CWC25: variants seen among roughly 807,000 people sequenced by gnomAD.
CWC25 encodes pre-mRNA-splicing factor CWC25 homolog.
In CWC25, 31 loss-of-function variants were observed where a neutral mutation model predicts 54.6. The observed-to-expected ratio is 0.57, with a 90% CI of 0.43 to 0.77. The LOEUF (loss-of-function observed/expected upper bound fraction) is 0.77. CWC25 is among the 30% of genes least tolerant of loss of function. The pLI is 0.00. For missense variants in CWC25, 453 were observed against 529.3 expected, an observed-to-expected ratio of 0.86 and a Z score of 1.41; for synonymous variants, 151 against 187.0, an observed-to-expected ratio of 0.81 and a Z score of 1.57.
intron 3 of CWC25, 55 bp from the exon 4 acceptor site, chr17:38,812,919 G>A (rs1555548263): frequency 1.0e-6 from 1 of 1,001,112 alleles, no homozygotes; most frequent in Non-Finnish European, 1.5e-6. Context: ...AAATTCTATG[G>A]AGTAACCTTT....
intron 1 of CWC25, among the ~76,000 whole-genome samples, chr17:38,822,850 A>ATTTTTT (rs36069874): frequency 7.2e-6 from 1 of 139,514 alleles, no homozygotes. Context: ...CGCCTGGCCA[A>ATTTTTT]TTTTTTTTTT....
chr17:38,823,079 C>T (rs1226810597), intron 1 of CWC25, among the ~76,000 whole-genome samples: 1 of 151,798 alleles, frequency 6.6e-6, no homozygotes, highest in East Asian at 1.9e-4. Context: ...ACCTCATGAT[C>T]TGCCCGCCTT....
chr17:38,805,699 C>T (rs1041294915), intron 8 of CWC25, among the ~76,000 whole-genome samples: 3 of 152,140 alleles, frequency 2.0e-5, no homozygotes, highest in East Asian at 1.9e-4. Flanking sequence ...GTGGCTTGAT[C>T]GTAGCTCACT....
At chr17:38,823,647 T>G (rs574636557) in intron 1 of CWC25, among the ~76,000 whole-genome samples, 1 of 152,126 alleles carries the variant, frequency 6.6e-6, no homozygotes, top group Non-Finnish European at 1.5e-5. Context: ...GTCATTCAGT[T>G]GGTTGGTTGT....
At chr17:38,802,573 T>C (rs1911069331) in intron 9 of CWC25, 127 bp downstream of exon 9, 5 of 976,436 alleles carry the variant, frequency 5.1e-6, no homozygotes, top group South Asian at 3.3e-5. Context: ...GGAAGAGTAG[T>C]AGCCAAGGTG....
At position 38,812,776 on chromosome 17, in the gene CWC25, T is replaced by C. The variant is rs757484722; in HGVS notation, c.498+19A>G. 7.3e-7 allele frequency: 1 copy of C among 1,368,002 alleles called. No individual in the cohort carries two copies. The highest frequency in any genetic ancestry group is 1.0e-6 in the Non-Finnish European group (1 of 980,322). The allele number at this position is 1,368,002 out of a possible 1,614,324, so 84.7% of individuals were successfully genotyped here. ...ATGGCTAAAAGATGCTCTTGGTGCT[T>C]ATCTGGTATACTACTTACCAATTCT... On this transcript the variant is annotated intron_variant, in intron 4 of 9. Coordinates refer to ENST00000614790, the MANE Select transcript of CWC25 (RefSeq NM_017748.5).
At chr17:38,809,628 C>T (rs1911403898) in intron 6 of CWC25, 74 bp downstream of exon 6, 1 of 1,441,704 alleles carries the variant, frequency 6.9e-7, no homozygotes, top group African/African-American at 1.4e-5. Flanking sequence ...GCCCACCTCC[C>T]TGCTATCCAC....
At chr17:38,805,529 G>C (rs938559344) in intron 8 of CWC25, among the ~76,000 whole-genome samples, 2 of 152,102 alleles carry the variant, frequency 1.3e-5, no homozygotes, top group East Asian at 3.8e-4. Context: ...GCTCAGACTG[G>C]TCTGGAACTC....
At chr17:38,809,790 C>T (rs757026918) in intron 5 of CWC25, 25 bp from the exon 6 acceptor site, 14 of 1,605,034 alleles carry the variant, frequency 8.7e-6, no homozygotes, top group Non-Finnish European at 1.2e-5. Context: ...TACACACACT[C>T]ATTGAAAAAG....
intron 3 of CWC25, among the ~76,000 whole-genome samples, 159 bp downstream of exon 3, chr17:38,814,702 C>T (rs112865261): frequency 2.6e-4 from 37 of 143,518 alleles, no homozygotes; most frequent in South Asian, 1.1e-3. Context: ...GCAGAGATCG[C>T]GCCACTGCAC....
chr17:38,813,684 T>C (rs1048326338), intron 3 of CWC25, among the ~76,000 whole-genome samples: 1 of 151,792 alleles, frequency 6.6e-6, no homozygotes, highest in African/African-American at 2.4e-5. Flanking sequence ...GCTGGGACTA[T>C]AGGCCCCCAC....
chr17:38,806,157 G>A lies in CWC25; in HGVS notation c.1001+140C>T, dbSNP rs922601687. 1.6e-4 allele frequency: 117 copies of A among 730,210 alleles called. 1 individual carries two copies. Among genetic ancestry groups the A allele is most frequent in the Admixed American group, 4.2e-4 (18 of 43,320 alleles). The allele number at this position is 730,210 out of a possible 1,614,324, so 45.2% of individuals were successfully genotyped here. ...CCTCACATGGCTGGAGGCAGGGGAC[G>A]CAGACCCTTACAGGTTGGCAAGATA... On this transcript the variant is annotated intron_variant, in intron 8 of 9. Transcript: ENST00000614790.
chr17:38,804,700 C>T (rs986705492), intron 8 of CWC25, among the ~76,000 whole-genome samples: 11 of 146,908 alleles, frequency 7.5e-5, no homozygotes, highest in Non-Finnish European at 1.5e-4. Flanking sequence ...CCCAGCTACT[C>T]GGGAGGCTGA....
At chr17:38,823,148 TTTTTTTTTAAC>T in intron 1 of CWC25, among the ~76,000 whole-genome samples, 1 of 146,642 alleles carries the variant, frequency 6.8e-6, no homozygotes, top group Non-Finnish European at 1.5e-5. Flanking sequence ...TGACTCCAAC[TTTTTTTTTAAC>T]TTTTTTTTTT....
chr17:38,824,145 G>A (rs1021145829), intron 1 of CWC25, among the ~76,000 whole-genome samples: 6 of 152,166 alleles, frequency 3.9e-5, no homozygotes, highest in Admixed American at 3.3e-4. Flanking sequence ...CTACTTGCTG[G>A]TTCAATTAGC....
At chr17:38,803,541 A>T (rs1911110058) in intron 8 of CWC25, among the ~76,000 whole-genome samples, 1 of 151,650 alleles carries the variant, frequency 6.6e-6, no homozygotes, top group Admixed American at 6.6e-5. Flanking sequence ...GAGGCAGGAG[A>T]ATCGCTTGAA....
At chr17:38,818,765 T>C (rs1911806778) in intron 2 of CWC25, among the ~76,000 whole-genome samples, 1 of 151,924 alleles carries the variant, frequency 6.6e-6, no homozygotes, top group Admixed American at 6.6e-5. Flanking sequence ...AAACAAAGCA[T>C]ATAAAATCAC....
intron 2 of CWC25, among the ~76,000 whole-genome samples, chr17:38,819,697 T>C (rs545170077): frequency 3.2e-4 from 49 of 151,408 alleles, no homozygotes; most frequent in East Asian, 2.4e-3. Context: ...TTGTTCGTTT[T>C]TTTGAGATGG....
rs1246977247 is a variant in CWC25, at chr17:38,800,576, T to C, written c.*1516A>G. Reference sequence around the variant, plus strand: ...CTAGGGAAAGATCGGGTTTCAAGCATTACAGTGCCTGGCATCATAAGTGTT... The same window carrying C: ...CTAGGGAAAGATCGGGTTTCAAGCACTACAGTGCCTGGCATCATAAGTGTT... On this transcript the variant is annotated 3_prime_UTR_variant, in exon 10 of 10. Coordinates refer to ENST00000614790, the MANE Select transcript of CWC25 (RefSeq NM_017748.5). 2 of 152,280 alleles carry C rather than the reference T, an allele frequency of 1.3e-5. No individual in the cohort carries two copies. Among genetic ancestry groups the C allele is most frequent in the East Asian group, 1.9e-4 (1 of 5,182 alleles). 9.4% of individuals were successfully genotyped at this position (152,280 alleles called of 1,614,324 possible). A position where few individuals can be genotyped will look rare whatever the true frequency, so the allele number is the denominator to read the frequency against.
Sources: allele counts gnomAD v4.1 joint callset (sites outside exome capture counted in the v4.1 genomes callset), GRCh38; gene constraint gnomAD v4.1.1; transcripts MANE v1.5; gene names NCBI Gene and HGNC (gene_info 2026-07-23, HGNC 2026-07-21).